The following PSD3 variants were observed in gnomAD, a reference collection of about 807,000 sequenced individuals.
PSD3 encodes the protein pleckstrin and Sec7 domain containing 3, also known as PH and SEC7 domain-containing protein 3.
A neutral mutation model predicts 105.5 loss-of-function variants in PSD3; 49 were observed. The observed-to-expected ratio is 0.46, with a 90% CI of 0.37 to 0.59. PSD3 has a LOEUF of 0.59. PSD3 is among the 20% of genes least tolerant of loss of function. The pLI is 0.00. For synonymous variants in PSD3, 557 were observed against 457.8 expected (o/e 1.22, Z -2.77); for missense variants, 1,561 against 1,263.8 (o/e 1.24, Z -3.57).
intron 4 of PSD3, among the ~76,000 whole-genome samples, chr8:18,859,585 A>T (rs1010024553): frequency 1.3e-5 from 2 of 152,372 alleles, no homozygotes; most frequent in African/African-American, 4.8e-5. Flanking sequence ...TAGTGTAGCT[A>T]GCTTTATCAA....
intron 1 of PSD3, among the ~76,000 whole-genome samples, chr8:18,938,577 G>T (rs535019026): frequency 2.0e-5 from 3 of 147,854 alleles, no homozygotes; most frequent in South Asian, 4.3e-4. Flanking sequence ...GAACCGCGAT[G>T]GCGCTATTGC....
At chr8:18,789,307 G>A (rs1302760330) in intron 8 of PSD3, among the ~76,000 whole-genome samples, 1 of 151,976 alleles carries the variant, frequency 6.6e-6, no homozygotes, top group Non-Finnish European at 1.5e-5. Flanking sequence ...CACTGCAACC[G>A]ACTATAAACA....
intron 4 of PSD3, among the ~76,000 whole-genome samples, chr8:18,846,075 TA>T (rs1363113265): frequency 1.3e-5 from 2 of 152,152 alleles, no homozygotes; most frequent in African/African-American, 4.8e-5. Context: ...AATTTGACTA[TA>T]AAGTTACCCT....
At chr8:19,032,024 A>G (rs1271852349) in intron 1 of PSD3, among the ~76,000 whole-genome samples, 1 of 152,132 alleles carries the variant, frequency 6.6e-6, no homozygotes, top group Non-Finnish European at 1.5e-5. Flanking sequence ...CTTTCTGCAC[A>G]CTGAACATGA....
At chr8:18,688,540 T>G (rs754193300) in intron 9 of PSD3, among the ~76,000 whole-genome samples, 29 of 152,224 alleles carry the variant, frequency 1.9e-4, no homozygotes, top group Non-Finnish European at 3.8e-4. Flanking sequence ...TATTGAACAT[T>G]TAGTCTGCAA....
At chr8:18,710,079 A>G (rs965697080) in intron 9 of PSD3, among the ~76,000 whole-genome samples, 1 of 152,196 alleles carries the variant, frequency 6.6e-6, no homozygotes, top group African/African-American at 2.4e-5. Flanking sequence ...CCCAATTCAA[A>G]GCGGCTAAAA....
intron 4 of PSD3, among the ~76,000 whole-genome samples, chr8:18,857,198 C>A (rs1329910239): frequency 6.6e-6 from 1 of 152,208 alleles, no homozygotes; most frequent in Non-Finnish European, 1.5e-5. Context: ...CCCACATCCC[C>A]CTGAGAACGG....
At position 18,765,437 on chromosome 8, in the gene PSD3, T is replaced by G; in HGVS notation, c.2172+12A>C. 2 of 1,587,776 alleles carry G rather than the reference T, an allele frequency of 1.3e-6. No individual in the cohort carries two copies. Among genetic ancestry groups the G allele is most frequent in the Non-Finnish European group, 1.7e-6 (2 of 1,156,006 alleles). Reference sequence around the variant, plus strand: ...ACAAGCATACACTAAAAACCAATAGTTCCATGCTTACTTTCAGCAGATCCT... The same window carrying G: ...ACAAGCATACACTAAAAACCAATAGGTCCATGCTTACTTTCAGCAGATCCT... On this transcript the variant is annotated intron_variant, in intron 9 of 15. Transcript: ENST00000327040.
chr8:18,871,246 CAA>C (rs1254688585), intron 3 of PSD3, among the ~76,000 whole-genome samples: 3 of 152,142 alleles, frequency 2.0e-5, no homozygotes, highest in Admixed American at 6.5e-5. Context: ...TAGGGTGTGT[CAA>C]AAGAGTCCAA....
intron 2 of PSD3, among the ~76,000 whole-genome samples, chr8:18,926,268 A>C (rs1292905129): frequency 1.3e-5 from 2 of 151,968 alleles, no homozygotes; most frequent in Non-Finnish European, 2.9e-5. Context: ...CTGCATTCTG[A>C]TGATTCAGCA....
chr8:18,981,473 A>T (rs1421558505), intron 1 of PSD3, among the ~76,000 whole-genome samples: 1 of 152,208 alleles, frequency 6.6e-6, no homozygotes, highest in Admixed American at 6.5e-5. Flanking sequence ...AAATAGAGAT[A>T]ACCATAAAAC....
intron 12 of PSD3, among the ~76,000 whole-genome samples, chr8:18,579,066 G>A (rs1802638506): frequency 6.8e-6 from 1 of 148,128 alleles, no homozygotes; most frequent in Non-Finnish European, 1.5e-5. Context: ...TCAGCATTCT[G>A]AATTCCTACT....
chr8:19,080,545 A>T (rs777111080), intron 1 of PSD3, among the ~76,000 whole-genome samples: 1 of 152,186 alleles, frequency 6.6e-6, no homozygotes, highest in African/African-American at 2.4e-5. Flanking sequence ...ATAGACCTCC[A>T]TTGCATTTCC....
intron 2 of PSD3, among the ~76,000 whole-genome samples, chr8:18,875,759 G>A (rs1229588996): frequency 1.3e-5 from 2 of 151,990 alleles, no homozygotes; most frequent in African/African-American, 2.4e-5. Flanking sequence ...GGATGGTCTC[G>A]ATCTCCTGAC....
intron 1 of PSD3, among the ~76,000 whole-genome samples, chr8:19,056,663 T>C (rs1828718885): frequency 6.6e-6 from 1 of 152,210 alleles, no homozygotes; most frequent in Non-Finnish European, 1.5e-5. Flanking sequence ...TATTCCAAAC[T>C]CTGTCGCTGG....
Position 18,527,821 on chromosome 8 carries a change from G to A in PSD3, c.*7922C>T, listed in dbSNP as rs560241680. On this transcript the variant is annotated 3_prime_UTR_variant, in exon 16 of 16. Transcript: ENST00000327040. ...TCCAGTACGTGTTATAGTACCGCCA[G>A]CTTACCCAAAACTGCTAATGCCGAC... 4.6e-5 allele frequency: 7 copies of A among 152,492 alleles called. No homozygotes were observed. The East Asian group carries it at 1.2e-3, about 25-fold the overall frequency. The allele number at this position is 152,492 out of a possible 1,614,324, so 9.4% of individuals were successfully genotyped here.
At chr8:18,957,121 C>T (rs1477396472) in intron 1 of PSD3, among the ~76,000 whole-genome samples, 1 of 152,112 alleles carries the variant, frequency 6.6e-6, no homozygotes, top group Non-Finnish European at 1.5e-5. Flanking sequence ...CCTCTAATTC[C>T]AACACTCTGG....
At chr8:19,071,984 C>A (rs76738722) in intron 1 of PSD3, among the ~76,000 whole-genome samples, 35,869 of 150,344 alleles carry the variant, frequency 0.24, 5,264 homozygotes, top group South Asian at 0.36. Flanking sequence ...TGCTGGGATT[C>A]CAGGCGTAAG....
At chr8:18,626,563 C>T (rs1233435998) in intron 11 of PSD3, among the ~76,000 whole-genome samples, 3 of 152,142 alleles carry the variant, frequency 2.0e-5, no homozygotes, top group African/African-American at 7.2e-5. Context: ...GAAAGCTCCA[C>T]TGTTGTTTTC....
Sources: gnomAD v4.1 joint callset for allele counts (sites outside exome capture counted in the v4.1 genomes callset) on GRCh38, gnomAD v4.1.1 for gene constraint, MANE v1.5 for transcripts, NCBI Gene and HGNC (gene_info 2026-07-23, HGNC 2026-07-21) for gene names.